The following RMND1 variants were observed in gnomAD, a reference collection of about 807,000 sequenced individuals.
RMND1 encodes the protein required for meiotic nuclear division 1 homolog.
In RMND1, 41 loss-of-function variants were observed where a neutral mutation model predicts 54.0. The observed-to-expected ratio is 0.76, with a 90% confidence interval of 0.59 to 0.98. The LOEUF (loss-of-function observed/expected upper bound fraction) is 0.98. RMND1 is among the 50% of genes least tolerant of loss of function. The pLI is 0.00. For synonymous variants in RMND1, 183 were observed against 181.7 expected (o/e 1.01, Z -0.06); for missense variants, 457 against 532.0 (o/e 0.86, Z 1.39).
At chr6:151,414,774 A>G (rs1779951049) in intron 10 of RMND1, among the ~76,000 whole-genome samples, 1 of 152,202 alleles carries the variant, frequency 6.6e-6, no homozygotes, top group East Asian at 1.9e-4. Context: ...AAAGAAGTGA[A>G]CAGAGCCTCA....
chr6:151,411,967 T>A (rs1779849458), intron 10 of RMND1: 1 of 152,206 alleles, frequency 6.6e-6, no homozygotes, highest in Non-Finnish European at 1.5e-5. Flanking sequence ...CTCCTGGTGT[T>A]CACTTTTGTG....
intron 10 of RMND1, among the ~76,000 whole-genome samples, chr6:151,412,619 T>C (rs1779881444): frequency 6.6e-6 from 1 of 152,080 alleles, no homozygotes; most frequent in South Asian, 2.1e-4. Context: ...TGAGACGGGG[T>C]AATTTATAAA....
At chr6:151,417,123 C>G (rs756622683) in intron 10 of RMND1, 156 bp downstream of exon 10, 8 of 732,084 alleles carry the variant, frequency 1.1e-5, no homozygotes, top group African/African-American at 1.8e-5. Flanking sequence ...TCCTTTGACA[C>G]AAAAAATTGA....
intron 3 of RMND1, among the ~76,000 whole-genome samples, chr6:151,434,327 CAT>C (rs35402044): frequency 0.13 from 20,436 of 151,606 alleles, 1,678 homozygotes; most frequent in East Asian, 0.36. Context: ...ACGGAATTAA[CAT>C]AAAATTAGGA....
intron 3 of RMND1, among the ~76,000 whole-genome samples, chr6:151,435,928 A>C (rs1780590216): frequency 6.6e-6 from 1 of 151,396 alleles, no homozygotes; most frequent in African/African-American, 2.4e-5. Context: ...AACATGGAGA[A>C]ACACCATCTC....
In RMND1 at chr6:151,448,513, A is replaced by G. The variant is rs907374300; in HGVS notation, c.-14-2688T>C. ...GTAATAAGTATCTTTATAACTGCTA[A>G]GCCAAAAACGTGGGGTCCAGCTTGA... On this transcript the variant is annotated intron_variant, in intron 1 of 11. Transcript: ENST00000444024. Among the ~76,000 whole-genome samples, 5 of 152,178 alleles carry G rather than the reference A, an allele frequency of 3.3e-5. 1 individual carries two copies. In the South Asian group the frequency reaches 1.0e-3, roughly 31 times the overall value.
chr6:151,411,656 A>G (rs996694171), intron 10 of RMND1: 4 of 152,200 alleles, frequency 2.6e-5, no homozygotes, highest in Non-Finnish European at 5.9e-5. Flanking sequence ...CATCTTGAAT[A>G]CTGAGGATGG....
At chr6:151,431,063 T>C (rs943007070) in intron 4 of RMND1, among the ~76,000 whole-genome samples, 1 of 152,024 alleles carries the variant, frequency 6.6e-6, no homozygotes, top group East Asian at 1.9e-4. Context: ...TACAAGAGTA[T>C]GCAGAGTATA....
At position 151,405,156 on chromosome 6, in the gene RMND1, C is replaced by T. The variant is rs1461578214; in HGVS notation, c.*79G>A. On this transcript the variant is annotated 3_prime_UTR_variant, in exon 12 of 12. Coordinates refer to ENST00000444024, the MANE Select transcript of RMND1 (RefSeq NM_017909.4). ...AAGTGCTGGGATTACAGGCATGAGGCACCGCGCCGGGCCGAACATTTAATT... is the reference window on the plus strand; with the variant it reads ...AAGTGCTGGGATTACAGGCATGAGGTACCGCGCCGGGCCGAACATTTAATT... 3.0e-6 allele frequency: 4 copies of T among 1,311,676 alleles called. No individual in the cohort carries two copies. Among genetic ancestry groups the T allele is most frequent in the African/African-American group, 2.9e-5 (2 of 68,274 alleles). 81.3% of individuals were successfully genotyped at this position (1,311,676 alleles called of 1,614,324 possible).
intron 3 of RMND1, chr6:151,436,112 CAAA>C (rs67339992): frequency 1.3e-4 from 23 of 173,738 alleles, no homozygotes; most frequent in Non-Finnish European, 2.4e-4. Flanking sequence ...TCCCAAAAAA[CAAA>C]AAAAAAAAAA....
intron 10 of RMND1, among the ~76,000 whole-genome samples, chr6:151,412,747 G>A (rs1779885875): frequency 6.6e-6 from 1 of 152,190 alleles, no homozygotes; most frequent in Middle Eastern, 3.2e-3. Flanking sequence ...AAGGTGAAGG[G>A]AGAGCAGGTA....
At chr6:151,424,268 G>A (rs1352023098) in intron 6 of RMND1, among the ~76,000 whole-genome samples, 1 of 152,004 alleles carries the variant, frequency 6.6e-6, no homozygotes, top group Non-Finnish European at 1.5e-5. Flanking sequence ...AGACCATCCT[G>A]GCTAACATGG....
At chr6:151,437,326 T>C (rs1251552758) in intron 2 of RMND1, among the ~76,000 whole-genome samples, 1 of 152,220 alleles carries the variant, frequency 6.6e-6, no homozygotes, top group African/African-American at 2.4e-5. Flanking sequence ...TTTATGAAGT[T>C]TTCTGTCACT....
chr6:151,440,823 T>A (rs778549100), intron 2 of RMND1, among the ~76,000 whole-genome samples: 5 of 152,242 alleles, frequency 3.3e-5, no homozygotes, highest in African/African-American at 1.2e-4. Context: ...ATGTCTTGTC[T>A]GCTTTTTTTT....
chr6:151,443,600 GC>G (rs1780856381), intron 2 of RMND1, among the ~76,000 whole-genome samples: 1 of 152,066 alleles, frequency 6.6e-6, no homozygotes, highest in African/African-American at 2.4e-5. Flanking sequence ...GTGAGCCACC[GC>G]CCAGCCAGAA....
At chr6:151,434,693 G>A (rs1780548991) in intron 3 of RMND1, among the ~76,000 whole-genome samples, 1 of 152,168 alleles carries the variant, frequency 6.6e-6, no homozygotes, top group Non-Finnish European at 1.5e-5. Flanking sequence ...TTATCACAAT[G>A]ATATTTCAAC....
chr6:151,433,276 C>T (rs1780496926), intron 3 of RMND1, 46 bp from the exon 4 acceptor site: 2 of 1,341,154 alleles, frequency 1.5e-6, no homozygotes, highest in African/African-American at 1.4e-5. Context: ...CAAGGTAACA[C>T]AAGTTGTAAG....
chr6:151,406,043 CTCT>C (rs924002625), intron 10 of RMND1, among the ~76,000 whole-genome samples: 7 of 152,198 alleles, frequency 4.6e-5, no homozygotes, highest in Admixed American at 4.6e-4. Context: ...CATACTGAAG[CTCT>C]TCTATTTGTA....
rs1408224367 is a variant in RMND1, at chr6:151,404,762, T to G, written c.*473A>C. ...TTGTCAGTGATGTAGATACAAACAC[T>G]AGATTCTTCATAATTTTATTCACAC... On this transcript the variant is annotated 3_prime_UTR_variant, in exon 12 of 12. Coordinates refer to ENST00000444024, the MANE Select transcript of RMND1 (RefSeq NM_017909.4). 6.6e-6 allele frequency: 1 copy of G among 152,432 alleles called. No individual in the cohort carries two copies. Among genetic ancestry groups the G allele is most frequent in the Non-Finnish European group, 1.5e-5 (1 of 68,208 alleles). 9.4% of individuals were successfully genotyped at this position (152,432 alleles called of 1,614,324 possible).
Sources: allele counts gnomAD v4.1 joint callset (sites outside exome capture counted in the v4.1 genomes callset), GRCh38; gene constraint gnomAD v4.1.1; transcripts MANE v1.5; gene names NCBI Gene and HGNC (gene_info 2026-07-23, HGNC 2026-07-21).